The following REDIC1 variants were observed in gnomAD, a reference collection of about 807,000 sequenced individuals.
The protein encoded by REDIC1 is HEI10 Interacting Protein 1.
At chr12:39,683,650 C>T in the REDIC1 span, among the ~76,000 whole-genome samples, 2 of 151,112 alleles carry the variant, frequency 1.3e-5, no homozygotes, top group Admixed American at 1.3e-4. Context: ...TAATATCACC[C>T]CAGTTGAGAG....
At chr12:39,783,588 T>C in the REDIC1 span, among the ~76,000 whole-genome samples, 2 of 152,252 alleles carry the variant, frequency 1.3e-5, no homozygotes, top group Admixed American at 6.5e-5. Flanking sequence ...TGGTATCTCA[T>C]TGTGGCTTTG....
At chr12:39,711,858 T>TAG in the REDIC1 span, among the ~76,000 whole-genome samples, 1 of 69,444 alleles carries the variant, frequency 1.4e-5, no homozygotes, top group Admixed American at 1.2e-4. Context: ...TGCATGTGTA[T>TAG]GTGTATACAC....
At chr12:39,727,278 TTTTAAGTCTTATG>T in the REDIC1 span, among the ~76,000 whole-genome samples, 1 of 152,214 alleles carries the variant, frequency 6.6e-6, no homozygotes, top group Non-Finnish European at 1.5e-5. Context: ...GTTTTTATGG[TTTTAAGTCTTATG>T]TTTAAGTCCT....
the REDIC1 span, among the ~76,000 whole-genome samples, chr12:39,662,664 C>A: frequency 2.6e-5 from 4 of 151,884 alleles, no homozygotes; most frequent in Non-Finnish European, 4.4e-5. Flanking sequence ...CCTCCAATAC[C>A]ATGTTGAATA....
At chr12:39,777,643 C>A in the REDIC1 span, among the ~76,000 whole-genome samples, 1 of 152,156 alleles carries the variant, frequency 6.6e-6, no homozygotes, top group Non-Finnish European at 1.5e-5. Context: ...AGCAGGGAGA[C>A]ACACAGGTGG....
chr12:39,776,488 GT>G, the REDIC1 span, among the ~76,000 whole-genome samples: 1 of 152,214 alleles, frequency 6.6e-6, no homozygotes, highest in Non-Finnish European at 1.5e-5. Context: ...GTGGCATATG[GT>G]TTATATTCTC....
chr12:39,799,754 C>T, the REDIC1 span, among the ~76,000 whole-genome samples: 21 of 152,154 alleles, frequency 1.4e-4, no homozygotes, highest in Non-Finnish European at 2.4e-4. Flanking sequence ...TATACAAGAA[C>T]GTGTTTTGAG....
At chr12:39,674,530 G>C in the REDIC1 span, among the ~76,000 whole-genome samples, 1 of 152,142 alleles carries the variant, frequency 6.6e-6, no homozygotes, top group African/African-American at 2.4e-5. Context: ...GATGTGGCTT[G>C]CTCTGCAAAC....
At chr12:39,870,790 G>T in the REDIC1 span, among the ~76,000 whole-genome samples, 14 of 152,190 alleles carry the variant, frequency 9.2e-5, no homozygotes, top group Admixed American at 9.2e-4. Context: ...GCAAGAACAG[G>T]AGGTGAAAGC....
the REDIC1 span, among the ~76,000 whole-genome samples, chr12:39,784,095 A>G: frequency 7.9e-5 from 12 of 152,358 alleles, no homozygotes; most frequent in Admixed American, 5.2e-4. Flanking sequence ...CAAATGGAGA[A>G]CATTCCATGC....
chr12:39,754,810 T>A, the REDIC1 span, among the ~76,000 whole-genome samples: 10 of 152,192 alleles, frequency 6.6e-5, no homozygotes, highest in South Asian at 4.1e-4. Context: ...TATTCAGTAT[T>A]TAGAATAATT....
At chr12:39,859,241 G>A in the REDIC1 span, among the ~76,000 whole-genome samples, 1 of 143,192 alleles carries the variant, frequency 7.0e-6, no homozygotes, top group Non-Finnish European at 1.5e-5. Flanking sequence ...CTTATGCTTG[G>A]TTTAACAATG....
At chr12:39,832,555 T>C in the REDIC1 span, among the ~76,000 whole-genome samples, 2 of 151,996 alleles carry the variant, frequency 1.3e-5, no homozygotes, top group Admixed American at 1.3e-4. Flanking sequence ...CTTCCCACTT[T>C]TCCTGCTTGC....
At chr12:39,804,848 T>C in the REDIC1 span, among the ~76,000 whole-genome samples, 1 of 152,066 alleles carries the variant, frequency 6.6e-6, no homozygotes, top group Non-Finnish European at 1.5e-5. Context: ...AGAAGCAGGG[T>C]AAGTAGGGCT....
chr12:39,761,888 C>A, the REDIC1 span, among the ~76,000 whole-genome samples: 1 of 152,038 alleles, frequency 6.6e-6, no homozygotes, highest in Non-Finnish European at 1.5e-5. Context: ...CATTATCTTT[C>A]ACAATTTGGG....
At chr12:39,832,185 G>C in the REDIC1 span, among the ~76,000 whole-genome samples, 14 of 152,070 alleles carry the variant, frequency 9.2e-5, no homozygotes, top group Non-Finnish European at 1.5e-4. Context: ...ACAACTGAAG[G>C]CTTTAGAAGT....
chr12:39,701,591 A>T, the REDIC1 span, among the ~76,000 whole-genome samples: 1 of 152,182 alleles, frequency 6.6e-6, no homozygotes, highest in East Asian at 1.9e-4. Context: ...AAGCAGACCT[A>T]ATAGACATCT....
the REDIC1 span, among the ~76,000 whole-genome samples, chr12:39,743,011 A>C: frequency 6.6e-6 from 1 of 152,134 alleles, no homozygotes; most frequent in African/African-American, 2.4e-5. Context: ...CCCCACCTTC[A>C]CGGACACACT....
At chr12:39,753,803 A>AG in the REDIC1 span, among the ~76,000 whole-genome samples, 1 of 152,188 alleles carries the variant, frequency 6.6e-6, no homozygotes, top group Non-Finnish European at 1.5e-5. Flanking sequence ...AACCTTCACT[A>AG]CACACAAGTG....
Sources: allele counts gnomAD v4.1 joint callset (sites outside exome capture counted in the v4.1 genomes callset), GRCh38; gene constraint gnomAD v4.1.1; transcripts MANE v1.5; gene names NCBI Gene and HGNC (gene_info 2026-07-23, HGNC 2026-07-21).